The following SNTG1 variants were observed in gnomAD, a reference collection of about 807,000 sequenced individuals.
SNTG1 encodes gamma-1-syntrophin.
SNTG1 carries 39 observed loss-of-function variants against 74.7 expected under a neutral mutation model. That is an observed-to-expected ratio of 0.52 (90% CI 0.40 to 0.68). The LOEUF (loss-of-function observed/expected upper bound fraction) is 0.68, where lower values mean the gene tolerates loss of function less well. Ranked by LOEUF, SNTG1 falls within the 30% of genes least tolerant of loss-of-function variation. The probability of loss-of-function intolerance (pLI) is 0.00; values close to 1 mark genes in which losing one functional copy is unlikely to be tolerated. For missense variants in SNTG1, 685 were observed against 609.5 expected (o/e 1.12, Z -1.30); for synonymous variants, 254 against 217.1 (o/e 1.17, Z -1.49).
intron 18 of SNTG1, among the ~76,000 whole-genome samples, chr8:50,787,492 T>G (rs912232373): frequency 1.3e-5 from 2 of 151,938 alleles, no homozygotes; most frequent in Admixed American, 6.6e-5. Flanking sequence ...ATTCCACTTC[T>G]AGATATATTC....
chr8:50,280,309 A>G (rs1187894408), intron 2 of SNTG1, among the ~76,000 whole-genome samples: 1 of 152,202 alleles, frequency 6.6e-6, no homozygotes, highest in African/African-American at 2.4e-5. Flanking sequence ...CAATTTCTGC[A>G]TTTGGAGGAC....
intron 4 of SNTG1, among the ~76,000 whole-genome samples, chr8:50,407,698 T>C (rs2092897106): frequency 6.6e-6 from 1 of 152,202 alleles, no homozygotes; most frequent in South Asian, 2.1e-4. Flanking sequence ...ACAGCCAGTA[T>C]TGCATTAGAT....
chr8:49,916,478 G>A (rs1806047581), intron 1 of SNTG1, among the ~76,000 whole-genome samples: 1 of 151,808 alleles, frequency 6.6e-6, no homozygotes, highest in African/African-American at 2.4e-5. Flanking sequence ...TTGAATACTT[G>A]CTTATTATCA....
At chr8:50,436,961 A>G (rs2093310079) in intron 4 of SNTG1, among the ~76,000 whole-genome samples, 1 of 152,170 alleles carries the variant, frequency 6.6e-6, no homozygotes, top group East Asian at 1.9e-4. Context: ...TGCAACAAAC[A>G]GTATGCTGAA....
At chr8:50,717,737 G>C (rs1176931090) in intron 17 of SNTG1, among the ~76,000 whole-genome samples, 2 of 152,098 alleles carry the variant, frequency 1.3e-5, no homozygotes, top group African/African-American at 2.4e-5. Flanking sequence ...TTTTCTCCCA[G>C]GCTTATGGTA....
intron 1 of SNTG1, among the ~76,000 whole-genome samples, chr8:49,953,026 G>C (rs1809860605): frequency 6.6e-6 from 1 of 152,208 alleles, no homozygotes. Flanking sequence ...AGATACATGA[G>C]TATAGGGCTC....
intron 3 of SNTG1, among the ~76,000 whole-genome samples, chr8:50,395,364 CAT>C (rs148517421): frequency 0.048 from 7,344 of 152,096 alleles, 236 homozygotes; most frequent in Non-Finnish European, 0.07. Context: ...AAACCTTTCT[CAT>C]GTGCTACACT....
intron 1 of SNTG1, among the ~76,000 whole-genome samples, chr8:49,998,779 C>A (rs1814478206): frequency 6.6e-6 from 1 of 151,956 alleles, no homozygotes; most frequent in African/African-American, 2.4e-5. Flanking sequence ...TCCTGAAGGA[C>A]CTAACTGGGG....
intron 2 of SNTG1, among the ~76,000 whole-genome samples, chr8:50,331,223 CTTG>C (rs1300073080): frequency 6.6e-6 from 1 of 152,040 alleles, no homozygotes; most frequent in Non-Finnish European, 1.5e-5. Context: ...ATGTGGTACG[CTTG>C]TTGTATTTTT....
intron 12 of SNTG1, among the ~76,000 whole-genome samples, chr8:50,568,096 C>G (rs1352042924): frequency 6.6e-6 from 1 of 152,044 alleles, no homozygotes; most frequent in Non-Finnish European, 1.5e-5. Context: ...TATGAATGAG[C>G]TCATGCAATG....
Position 50,180,460 on chromosome 8 carries a change from C to T in SNTG1, c.-28+7825C>T, listed in dbSNP as rs948489311. On this transcript the variant is annotated intron_variant, in intron 2 of 18. Transcript: ENST00000642720. ...ACATACAAAAAAGAAAGTAATAAAACGTCTTGAAACTAGATAGAAGTAATA... is the reference window on the plus strand; with the variant it reads ...ACATACAAAAAAGAAAGTAATAAAATGTCTTGAAACTAGATAGAAGTAATA... Among the ~76,000 whole-genome samples, 7 of 152,134 alleles carry T rather than the reference C, an allele frequency of 4.6e-5. No homozygotes were observed. In the East Asian group the frequency reaches 7.7e-4, roughly 17 times the overall value.
chr8:50,030,147 C>A (rs953818864), intron 1 of SNTG1, among the ~76,000 whole-genome samples: 5 of 152,088 alleles, frequency 3.3e-5, no homozygotes, highest in Non-Finnish European at 7.4e-5. Flanking sequence ...TGTATGTCTT[C>A]TTTTGAGAAA....
chr8:50,276,548 A>G lies in SNTG1; in HGVS notation c.-28+103913A>G, dbSNP rs138769100. The stretch of plus-strand genomic sequence containing the variant: ...CTTTTTTCCTCTTCATTTTTTGTAA[A>G]TTAAAAGCACCAGGACTCATTTGGG... On this transcript the variant is annotated intron_variant, in intron 2 of 18. Transcript: ENST00000642720. Among the ~76,000 whole-genome samples the G allele has an allele frequency of 2.0e-4, 31 of 152,014 alleles. No individual in the cohort carries two copies. The East Asian group carries it at 6.0e-3, about 29-fold the overall frequency.
chr8:50,190,291 T>C (rs2131776224), intron 2 of SNTG1, among the ~76,000 whole-genome samples: 1 of 152,274 alleles, frequency 6.6e-6, no homozygotes, highest in Admixed American at 6.5e-5. Context: ...CTGTTAACCA[T>C]ATTTTTATAG....
intron 9 of SNTG1, among the ~76,000 whole-genome samples, chr8:50,526,581 C>A (rs2094221323): frequency 6.6e-6 from 1 of 151,980 alleles, no homozygotes; most frequent in South Asian, 2.1e-4. Flanking sequence ...TCTTTCTGAA[C>A]TTCATCAAAG....
intron 1 of SNTG1, among the ~76,000 whole-genome samples, chr8:49,925,338 A>G (rs1266803546): frequency 6.6e-6 from 1 of 152,182 alleles, no homozygotes; most frequent in Non-Finnish European, 1.5e-5. Flanking sequence ...TAATTGTAAT[A>G]CAATACCCAA....
chr8:50,567,492 A>T (rs540624605), intron 12 of SNTG1, among the ~76,000 whole-genome samples: 1 of 152,082 alleles, frequency 6.6e-6, no homozygotes, highest in African/African-American at 2.4e-5. Flanking sequence ...ATGTATATGT[A>T]TCTATATAGA....
intron 2 of SNTG1, among the ~76,000 whole-genome samples, chr8:50,223,353 C>A (rs2085163744): frequency 6.6e-6 from 1 of 151,994 alleles, no homozygotes; most frequent in Non-Finnish European, 1.5e-5. Context: ...ATGGCTAGTA[C>A]AACTGATCTC....
intron 1 of SNTG1, among the ~76,000 whole-genome samples, chr8:50,162,526 C>T (rs1473219744): frequency 1.4e-5 from 2 of 143,946 alleles, no homozygotes; most frequent in Non-Finnish European, 1.5e-5. Context: ...CACGCCACTG[C>T]ACTCCAGCCT....
Sources: gnomAD v4.1 joint callset for allele counts (sites outside exome capture counted in the v4.1 genomes callset) on GRCh38, gnomAD v4.1.1 for gene constraint, MANE v1.5 for transcripts, NCBI Gene and HGNC (gene_info 2026-07-23, HGNC 2026-07-21) for gene names.